Variants in TICRR observed in about 807,000 individuals in gnomAD.
TICRR encodes TOPBP1 interacting checkpoint and replication regulator.
TICRR carries 132 observed loss-of-function variants against 178.1 expected under a neutral mutation model. The observed-to-expected ratio is 0.74, with a 90% CI of 0.64 to 0.86. TICRR has a LOEUF of 0.86. Ranked by LOEUF, TICRR falls within the 40% of genes least tolerant of loss-of-function variation. TICRR has a pLI of 0.00. For missense variants in TICRR, 2,587 were observed against 2,334.3 expected, an observed-to-expected ratio of 1.11 and a Z score of -2.23; for synonymous variants, 991 against 900.7, an observed-to-expected ratio of 1.10 and a Z score of -1.79.
intron 15 of TICRR, among the ~76,000 whole-genome samples, chr15:89,613,816 AT>A (rs2141974416): frequency 8.5e-6 from 1 of 117,918 alleles, no homozygotes; most frequent in East Asian, 2.5e-4. Flanking sequence ...ATCTTTAGGT[AT>A]GATTTTCTTT....
At position 89,625,181 on chromosome 15, in the gene TICRR, C is replaced by G. The variant is rs746112682; in HGVS notation, c.4871C>G (p.Pro1624Arg). ...LSKPEPTYVS[P>R]PCPRLSHSTP... ...AAACCTGAACCCACCTATGTGTCAC[C>G]CCCCTGCCCCCGCCTCTCCCACAGC... The change falls in exon 20 of 22, where the codon CCC becomes CGC. Residue 1624 changes from proline to arginine, a missense_variant. Physicochemically the swap from Pro to Arg is moderately radical, Grantham distance 103. Coordinates refer to ENST00000268138, the MANE Select transcript of TICRR (RefSeq NM_152259.4). The G allele has an allele frequency of 4.3e-6, 7 of 1,613,750 alleles. No homozygotes were observed. The highest frequency in any genetic ancestry group is 5.9e-6 in the Non-Finnish European group (7 of 1,179,918).
At position 89,623,786 on chromosome 15, in the gene TICRR, ACTC is replaced by A. The variant is rs1963463072; in HGVS notation, c.3483_3485del (p.Ser1162del). 13 of 1,613,154 alleles carry A rather than the reference ACTC, an allele frequency of 8.1e-6. No homozygotes were observed. Among genetic ancestry groups the A allele is most frequent in the South Asian group, 1.1e-5 (1 of 91,042 alleles). On this transcript the variant is annotated inframe_deletion, in exon 20 of 22. Coordinates refer to ENST00000268138, the MANE Select transcript of TICRR (RefSeq NM_152259.4). Reference sequence around the variant, plus strand: ...GCAGCTTTTAAGGAGTCCTTAAAAGACTCCTCCTCACCCGGCCATGACTCACCA... The same window carrying A: ...GCAGCTTTTAAGGAGTCCTTAAAAGACTCCTCACCCGGCCATGACTCACCA...
intron 17 of TICRR, among the ~76,000 whole-genome samples, chr15:89,619,083 G>C (rs1963381237): frequency 6.6e-6 from 1 of 152,162 alleles, no homozygotes; most frequent in Admixed American, 6.5e-5. Context: ...AAATTTTAAA[G>C]CACTTGGTAA....
chr15:89,606,657 T>A (rs755040647), intron 13 of TICRR, 111 bp from the exon 14 acceptor site: 13 of 825,108 alleles, frequency 1.6e-5, no homozygotes, highest in Non-Finnish European at 2.0e-5. Context: ...ATTTCTATTA[T>A]GGATCCCTAT....
At chr15:89,592,256 C>T in intron 5 of TICRR, 80 bp downstream of exon 5, 3 of 1,252,654 alleles carry the variant, frequency 2.4e-6, no homozygotes, top group Non-Finnish European at 3.4e-6. Context: ...TAACAGACCA[C>T]ATTCTCTGAG....
chr15:89,585,704 G>T lies in TICRR; in HGVS notation c.1177-4G>T, dbSNP rs375398059. The T allele has an allele frequency of 4.4e-6, 7 of 1,607,780 alleles. No individual in the cohort carries two copies. In the African/African-American group the frequency reaches 8.0e-5, roughly 18 times the overall value. ...TTCTCAACTAATTAGGGCTTCTCAC[G>T]TAGGTTGCTGATGTGGACCCTGGTG... On this transcript the variant is annotated splice_polypyrimidine_tract_variant and splice_region_variant and intron_variant, in intron 3 of 21. Coordinates refer to ENST00000268138, the MANE Select transcript of TICRR (RefSeq NM_152259.4).
intron 18 of TICRR, among the ~76,000 whole-genome samples, chr15:89,620,929 A>G (rs1308931177): frequency 1.4e-4 from 21 of 149,684 alleles, no homozygotes; most frequent in Admixed American, 1.4e-3. Context: ...TCACTGTGTT[A>G]GCCAGGATAG....
chr15:89,618,517 C>A (rs1963372859), intron 17 of TICRR, among the ~76,000 whole-genome samples: 1 of 152,216 alleles, frequency 6.6e-6, no homozygotes, highest in African/African-American at 2.4e-5. Flanking sequence ...CTTTTCACTA[C>A]ATATTTTTTC....
Position 89,575,530 on chromosome 15 carries a change from A to T in TICRR, c.-57A>T, listed in dbSNP as rs1462135603. 10 of 1,423,850 alleles carry T rather than the reference A, an allele frequency of 7.0e-6. No homozygotes were observed. The highest frequency in any genetic ancestry group is 3.0e-5 in the South Asian group (2 of 67,094). The allele number at this position is 1,423,850 out of a possible 1,614,324, so 88.2% of individuals were successfully genotyped here. ...TGGTGCTGTTTCCCTGAAGGAAGGG[A>T]CTAAGGGACGGTGGCGCGGGCCCGG... On this transcript the variant is annotated 5_prime_UTR_variant, in exon 1 of 22. Transcript: ENST00000268138.
At position 89,600,653 on chromosome 15, in the gene TICRR, A is replaced by T. The variant is rs998237604; in HGVS notation, c.2121A>T (p.Gly707=). 7 of 1,591,590 alleles carry T rather than the reference A, an allele frequency of 4.4e-6. No individual in the cohort carries two copies. The African/African-American group carries it at 9.4e-5, about 21-fold the overall frequency. Residue 707 remains glycine (G), a synonymous_variant, in exon 9 of 22, where the codon GGA becomes GGT. Coordinates refer to ENST00000268138, the MANE Select transcript of TICRR (RefSeq NM_152259.4). ...GTAAAAGTCTTCGACAGAATCTAGGAAAAAAACTGGATAAGGAAGACAAAG... is the reference window on the plus strand; with the variant it reads ...GTAAAAGTCTTCGACAGAATCTAGGTAAAAAACTGGATAAGGAAGACAAAG... ...KTSKSLRQNL[G]KKLDKEDKVR...
chr15:89,620,809 G>C (rs1963411678), intron 18 of TICRR, among the ~76,000 whole-genome samples: 1 of 150,644 alleles, frequency 6.6e-6, no homozygotes, highest in Non-Finnish European at 1.5e-5. Flanking sequence ...TGCAAGCTCT[G>C]CCTCCCGGGT....
Position 89,585,855 on chromosome 15 carries a change from C to T in TICRR, c.1324C>T (p.Pro442Ser), listed in dbSNP as rs201206531. 161 of 1,614,094 alleles carry T rather than the reference C, an allele frequency of 1.0e-4. No homozygotes were observed. The Admixed American group carries it at 2.5e-3, about 25-fold the overall frequency. The change falls in exon 4 of 22, where the codon CCC becomes TCC. Residue 442 changes from proline (P) to serine (S), a missense_variant. Physicochemically the swap from Pro to Ser is moderately conservative, Grantham distance 74 (BLOSUM62 -1). Coordinates refer to ENST00000268138, the MANE Select transcript of TICRR (RefSeq NM_152259.4). ...HVLQTAVADS[P>S]RDTASLFSDV... ...TCTCCAAACAGCTGTGGCTGACAGC[C>T]CCCGGGACACAGCTTCCCTTTTCTC...
intron 15 of TICRR, among the ~76,000 whole-genome samples, chr15:89,616,195 T>C (rs1963332995): frequency 1.3e-5 from 2 of 152,312 alleles, no homozygotes; most frequent in Non-Finnish European, 2.9e-5. Context: ...TATATTTACA[T>C]TGTCTTATGT....
intron 4 of TICRR, among the ~76,000 whole-genome samples, chr15:89,589,051 A>T (rs1962867598): frequency 6.6e-6 from 1 of 151,932 alleles, no homozygotes; most frequent in Non-Finnish European, 1.5e-5. Context: ...GCAGGAGGAG[A>T]TGGAATTGAG....
chr15:89,627,245 C>T lies in TICRR; in HGVS notation c.*159C>T. ...TTCTAATTCCCCTTATGGATCCAAT[C>T]CATCTCCTGGCCCTGCCCCTTGTTG... On this transcript the variant is annotated 3_prime_UTR_variant, in exon 22 of 22. Coordinates refer to ENST00000268138, the MANE Select transcript of TICRR (RefSeq NM_152259.4). The T allele has an allele frequency of 1.2e-6, 1 of 829,834 alleles. No homozygotes were observed. The highest frequency in any genetic ancestry group is 1.9e-5 in the South Asian group (1 of 52,840). The allele number at this position is 829,834 out of a possible 1,614,324, so 51.4% of individuals were successfully genotyped here. A position where few individuals can be genotyped will look rare whatever the true frequency, so the allele number is the denominator to read the frequency against.
chr15:89,590,499 G>A (rs751957926), intron 4 of TICRR, among the ~76,000 whole-genome samples: 1 of 152,216 alleles, frequency 6.6e-6, no homozygotes, highest in Non-Finnish European at 1.5e-5. Context: ...AAGAACTGCA[G>A]TATTTTACCA....
chr15:89,585,408 A>G (rs1596040414), intron 3 of TICRR, among the ~76,000 whole-genome samples: 2 of 152,202 alleles, frequency 1.3e-5, no homozygotes, highest in African/African-American at 4.8e-5. Context: ...TCCCTCCTTT[A>G]TAAAATGGGG....
Position 89,576,095 on chromosome 15 carries a change from T to A in TICRR, c.509T>A (p.Phe170Tyr), listed in dbSNP as rs1195970343. 3 of 1,611,878 alleles carry A rather than the reference T, an allele frequency of 1.9e-6. No homozygotes were observed. The highest frequency in any genetic ancestry group is 2.5e-6 in the Non-Finnish European group (3 of 1,179,978). Residue 170 changes from phenylalanine to tyrosine, a missense_variant, in exon 1 of 22, where the codon TTC (phenylalanine) becomes TAC (tyrosine). Physicochemically the swap from Phe to Tyr is conservative, Grantham distance 22. Transcript: ENST00000268138. ...CPHSQRELLQFVSGCEAQAQR... is the reference protein window; with the variant it reads ...CPHSQRELLQYVSGCEAQAQR... ...CACTCGCAGAGGGAGCTGCTGCAGTTCGTGTCTGGGTGCGAGGCCCAGGCC... is the reference window on the plus strand; with the variant it reads ...CACTCGCAGAGGGAGCTGCTGCAGTACGTGTCTGGGTGCGAGGCCCAGGCC...
Position 89,624,646 on chromosome 15 carries a change from A to G in TICRR, c.4336A>G (p.Arg1446Gly). Residue 1446 changes from arginine (R) to glycine (G), a missense_variant, in exon 20 of 22, where the codon AGG (arginine) becomes GGG (glycine). Arg to Gly is a moderately radical substitution (Grantham distance 125). Transcript: ENST00000268138. ...ACGGGGCTACCCAGGCCCTGGTCTC[A>G]GGAGTGATTGGCATGCATCCTCTCC... The part of the protein sequence containing the change: ...ERRGYPGPGL[R>G]SDWHASSPLL... 1 of 1,614,098 alleles carries G rather than the reference A, an allele frequency of 6.2e-7. No homozygotes were observed. The highest frequency in any genetic ancestry group is 8.5e-7 in the Non-Finnish European group (1 of 1,180,032).
Sources: gnomAD v4.1 joint callset for allele counts (sites outside exome capture counted in the v4.1 genomes callset) on GRCh38, gnomAD v4.1.1 for gene constraint, MANE v1.5 for transcripts, NCBI Gene and HGNC (gene_info 2026-07-23, HGNC 2026-07-21) for gene names.